KCNQ3: variants seen among roughly 807,000 people sequenced by gnomAD.
KCNQ3 encodes potassium voltage-gated channel subfamily KQT member 3.
Under a neutral mutation model 92.5 loss-of-function variants are expected in KCNQ3, and 30 were observed. The observed-to-expected ratio is 0.32, with a 90% CI of 0.24 to 0.44. KCNQ3 has a LOEUF of 0.44. Among genes scored for constraint, KCNQ3 ranks in the 20% least tolerant of loss-of-function variants. KCNQ3 has a pLI of 1.00. For synonymous variants in KCNQ3, 450 were observed against 468.8 expected (o/e 0.96, Z 0.52); for missense variants, 913 against 1,140.3 (o/e 0.80, Z 2.87).
At chr8:132,342,684 C>T (rs1331530960) in intron 1 of KCNQ3, among the ~76,000 whole-genome samples, 1 of 152,226 alleles carries the variant, frequency 6.6e-6, no homozygotes, top group East Asian at 1.9e-4. Context: ...TATTGTCTTG[C>T]CCTAGTCATG....
chr8:132,261,939 CA>C (rs1815801305), intron 1 of KCNQ3, among the ~76,000 whole-genome samples: 1 of 152,064 alleles, frequency 6.6e-6, no homozygotes, highest in African/African-American at 2.4e-5. Flanking sequence ...ATAATAGCAC[CA>C]AAGTGGACAA....
intron 1 of KCNQ3, among the ~76,000 whole-genome samples, chr8:132,220,341 G>T (rs1248889138): frequency 6.6e-6 from 1 of 152,166 alleles, no homozygotes; most frequent in Non-Finnish European, 1.5e-5. Context: ...ACTCTTTAAG[G>T]CATCATGGCC....
At chr8:132,384,238 G>T (rs2198986) in intron 1 of KCNQ3, among the ~76,000 whole-genome samples, 10,729 of 152,198 alleles carry the variant, frequency 0.07, 433 homozygotes, top group South Asian at 0.15. Context: ...AGCTGCTATA[G>T]CTCTTATTTT....
intron 1 of KCNQ3, among the ~76,000 whole-genome samples, chr8:132,209,001 A>G (rs1813763342): frequency 6.6e-6 from 1 of 152,124 alleles, no homozygotes; most frequent in South Asian, 2.1e-4. Context: ...GGAGGCAGAC[A>G]AGCTAGTATG....
Position 132,157,709 on chromosome 8 carries a change from G to A in KCNQ3, c.1262+5759C>T, listed in dbSNP as rs542550199. ...AAGTTATGGGATACATGTGCAGAAC[G>A]TGCAGGTTTGTTCCATAGGTATACA... On this transcript the variant is annotated intron_variant, in intron 9 of 14. Coordinates refer to ENST00000388996, the MANE Select transcript of KCNQ3 (RefSeq NM_004519.4). Among the ~76,000 whole-genome samples the A allele has an allele frequency of 1.5e-3, 230 of 151,810 alleles. 1 individual carries two copies. Among genetic ancestry groups the A allele is most frequent in the Non-Finnish European group, 2.3e-3 (159 of 67,924 alleles).
intron 1 of KCNQ3, among the ~76,000 whole-genome samples, chr8:132,388,765 T>C (rs1024872242): frequency 1.3e-5 from 2 of 152,232 alleles, no homozygotes; most frequent in Non-Finnish European, 2.9e-5. Flanking sequence ...AATAGATTAA[T>C]GGAGTTATTT....
In KCNQ3 at chr8:132,141,344, C is replaced by CAA; in HGVS notation, c.1263-15_1263-14dup. 1 of 1,612,532 alleles carries CAA rather than the reference C, an allele frequency of 6.2e-7. No homozygotes were observed. The highest frequency in any genetic ancestry group is 8.5e-7 in the Non-Finnish European group (1 of 1,178,936). ...ACCCAGCTTTTGGCTACAAAATAAG[C>CAA]AAAAGTGAACAATTTTCCTCCTTCA... On this transcript the variant is annotated splice_polypyrimidine_tract_variant and intron_variant, in intron 9 of 14. Transcript: ENST00000388996.
At chr8:132,349,685 GAGCAGACCTGCAGGTAGAAGAA>G (rs1818801267) in intron 1 of KCNQ3, among the ~76,000 whole-genome samples, 1 of 152,178 alleles carries the variant, frequency 6.6e-6, no homozygotes, top group Non-Finnish European at 1.5e-5. Context: ...GAGACCTGCA[GAGCAGACCTGCAGGTAGAAGAA>G]AAGCCATCCA....
intron 1 of KCNQ3, among the ~76,000 whole-genome samples, chr8:132,186,948 G>GAGAC (rs1826982544): frequency 2.8e-4 from 31 of 112,324 alleles, no homozygotes; most frequent in Middle Eastern, 4.0e-3. Context: ...GAGAGAGAGA[G>GAGAC]AGAGAGACAG....
chr8:132,269,373 T>C (rs2130493953), intron 1 of KCNQ3, among the ~76,000 whole-genome samples: 1 of 152,350 alleles, frequency 6.6e-6, no homozygotes, highest in Non-Finnish European at 1.5e-5. Context: ...AGTTAACTTT[T>C]GTGAAGAGCA....
chr8:132,452,290 TA>T (rs1489281925), intron 1 of KCNQ3, among the ~76,000 whole-genome samples: 12 of 152,264 alleles, frequency 7.9e-5, no homozygotes, highest in South Asian at 4.1e-4. Flanking sequence ...CCCCACTCTC[TA>T]TTTCTATGAA....
chr8:132,222,700 C>A (rs955852315), intron 1 of KCNQ3, among the ~76,000 whole-genome samples: 1 of 152,146 alleles, frequency 6.6e-6, no homozygotes, highest in Non-Finnish European at 1.5e-5. Flanking sequence ...AAAATCAGAA[C>A]TGAACATTCC....
At chr8:132,208,677 C>T (rs1047381852) in intron 1 of KCNQ3, among the ~76,000 whole-genome samples, 10 of 152,214 alleles carry the variant, frequency 6.6e-5, no homozygotes, top group Non-Finnish European at 8.8e-5. Context: ...ACTTCCTGGG[C>T]GATACTGGAC....
intron 1 of KCNQ3, among the ~76,000 whole-genome samples, chr8:132,413,356 G>C (rs1820706422): frequency 6.6e-6 from 1 of 152,170 alleles, no homozygotes; most frequent in Non-Finnish European, 1.5e-5. Flanking sequence ...GTTATTTCAA[G>C]TCACCCTTCA....
At chr8:132,400,513 G>C (rs544299409) in intron 1 of KCNQ3, among the ~76,000 whole-genome samples, 1 of 152,214 alleles carries the variant, frequency 6.6e-6, no homozygotes, top group Non-Finnish European at 1.5e-5. Flanking sequence ...GCAAGAGCAC[G>C]GAGCCAGCTC....
intron 7 of KCNQ3, among the ~76,000 whole-genome samples, chr8:132,171,215 G>A (rs1826335540): frequency 6.6e-6 from 1 of 152,016 alleles, no homozygotes; most frequent in African/African-American, 2.4e-5. Context: ...CTGATGGTTT[G>A]GGGTGTGGGG....
At position 132,129,001 on chromosome 8, in the gene KCNQ3, T is replaced by TA; in HGVS notation, c.*260dup. 1 of 534,824 alleles carries TA rather than the reference T, an allele frequency of 1.9e-6. No individual in the cohort carries two copies. Among genetic ancestry groups the TA allele is most frequent in the South Asian group, 2.3e-5 (1 of 43,430 alleles). 33.1% of individuals were successfully genotyped at this position (534,824 alleles called of 1,614,324 possible). ...CGTGATTAAAAGTAAGAACAGCAGA[T>TA]AAATGTGTATCCTAGAAGAGATTAG... is the stretch of plus-strand genomic sequence containing the variant. On this transcript the variant is annotated 3_prime_UTR_variant, in exon 15 of 15. Transcript: ENST00000388996. The surrounding 1 kb of genome is among the most constrained non-coding windows in gnomAD (Gnocchi z 5.9).
chr8:132,454,076 G>T (rs1821886562), intron 1 of KCNQ3, among the ~76,000 whole-genome samples: 1 of 152,240 alleles, frequency 6.6e-6, no homozygotes, highest in Non-Finnish European at 1.5e-5. Context: ...TTCACGCGTG[G>T]CTCTTACTTG....
chr8:132,327,887 C>T (rs912684501), intron 1 of KCNQ3, among the ~76,000 whole-genome samples: 7 of 152,062 alleles, frequency 4.6e-5, no homozygotes, highest in Admixed American at 3.3e-4. Flanking sequence ...GTACAGAGGA[C>T]CCCACCTGTA....
Sources: allele counts gnomAD v4.1 joint callset (sites outside exome capture counted in the v4.1 genomes callset), GRCh38; gene constraint gnomAD v4.1.1; non-coding constraint Gnocchi (gnomAD v3.1); transcripts MANE v1.5; gene names NCBI Gene and HGNC (gene_info 2026-07-23, HGNC 2026-07-21).